The following CIP2A variants were observed in gnomAD, a reference collection of about 807,000 sequenced individuals.
CIP2A encodes cellular inhibitor of PP2A.
CIP2A carries 103 observed loss-of-function variants against 110.9 expected under a neutral mutation model. That is an observed-to-expected ratio of 0.93 (90% CI 0.79 to 1.09). The LOEUF (loss-of-function observed/expected upper bound fraction) is 1.09. Ranked by LOEUF, CIP2A falls within the 50% of genes least tolerant of loss-of-function variation. The pLI is 0.00. For synonymous variants in CIP2A, 381 were observed against 361.6 expected (o/e 1.05, Z -0.61); for missense variants, 1,088 against 1,038.4 (o/e 1.05, Z -0.66).
chr3:108,575,602 A>ACG (rs1938578764), intron 8 of CIP2A, among the ~76,000 whole-genome samples: 4 of 144,136 alleles, frequency 2.8e-5, no homozygotes, highest in South Asian at 4.2e-4. Context: ...ATACGTGTAT[A>ACG]TATACTCATA....
intron 16 of CIP2A, 39 bp from the exon 17 acceptor site, chr3:108,557,453 C>A: frequency 6.8e-7 from 1 of 1,460,434 alleles, no homozygotes; most frequent in Non-Finnish European, 9.3e-7. Context: ...CCACTATCAT[C>A]TATATCATAT....
chr3:108,553,095 A>G (rs1937630899), intron 19 of CIP2A, among the ~76,000 whole-genome samples: 1 of 150,392 alleles, frequency 6.6e-6, no homozygotes, highest in African/African-American at 2.5e-5. Flanking sequence ...AAATTAAATT[A>G]AATGGTCAAT....
intron 16 of CIP2A, among the ~76,000 whole-genome samples, chr3:108,559,141 A>T (rs1244432997): frequency 1.3e-5 from 2 of 152,142 alleles, no homozygotes; most frequent in South Asian, 2.1e-4. Flanking sequence ...AAAAGGATCC[A>T]GCCTATAACA....
chr3:108,563,239 T>A lies in CIP2A; in HGVS notation c.1521A>T (p.Pro507=), dbSNP rs1344846069. 1 of 1,599,866 alleles carries A rather than the reference T, an allele frequency of 6.3e-7. No homozygotes were observed. Among genetic ancestry groups the A allele is most frequent in the East Asian group, 2.2e-5 (1 of 44,736 alleles). The change falls in exon 13 of 21, where the codon CCA becomes CCT. Residue 507 remains proline (P), a synonymous_variant. Transcript: ENST00000295746. The part of the protein sequence containing the change: ...EVSFYKILQD[P]RLITPLAFAL... The stretch of plus-strand genomic sequence containing the variant: ...CAAAAGCCAAAGGAGTAATCAAACG[T>A]GGGTCCTAAATAAATCAGAAACCAA...
chr3:108,568,289 G>T lies in CIP2A; in HGVS notation c.1139C>A (p.Ser380Tyr), dbSNP rs1553694493. ...FEDVIDAANC[S>Y]SADRFVTLLL... ...AAGGGTCACAAAACGATCAGCCGAG[G>T]AACAGTTAGCAGCATCTATGACATC... Residue 380 changes from serine (S) to tyrosine (Y), a missense_variant, in exon 10 of 21, where the codon TCC (serine) becomes TAC (tyrosine). Physicochemically the swap from Ser to Tyr is moderately radical, Grantham distance 144 (BLOSUM62 -2). Transcript: ENST00000295746. The T allele has an allele frequency of 1.9e-6, 3 of 1,611,922 alleles. No individual in the cohort carries two copies. The highest frequency in any genetic ancestry group is 2.5e-6 in the Non-Finnish European group (3 of 1,178,614).
chr3:108,581,597 G>T, intron 4 of CIP2A, 86 bp from the exon 5 acceptor site: 1 of 753,818 alleles, frequency 1.3e-6, no homozygotes, highest in Non-Finnish European at 2.2e-6. Context: ...AAATGATATA[G>T]TTAAGTTTAT....
rs369450906 is a variant in CIP2A at position 108,557,270 on chromosome 3, C to T, written c.2158G>A (p.Val720Met). ...GTCAGTATTTCATGTTCTTCAGCCA[C>T]AGACTCTAACTTCCTATTATGTTGA... ...LFQHNRKLES[V>M]AEEHEILTKS... Residue 720 changes from valine (V) to methionine (M), a missense_variant, in exon 17 of 21, where the codon GTG (valine) becomes ATG (methionine). Physicochemically the swap from Val to Met is conservative, Grantham distance 21. Coordinates refer to ENST00000295746, the MANE Select transcript of CIP2A (RefSeq NM_020890.3). 3 of 1,608,266 alleles carry T rather than the reference C, an allele frequency of 1.9e-6. No individual in the cohort carries two copies. The highest frequency in any genetic ancestry group is 2.6e-6 in the Non-Finnish European group (3 of 1,176,292).
chr3:108,578,225 G>C (rs894321344), intron 7 of CIP2A, among the ~76,000 whole-genome samples: 1 of 152,168 alleles, frequency 6.6e-6, no homozygotes, highest in Non-Finnish European at 1.5e-5. Flanking sequence ...TCTTCCAGAC[G>C]AGGTTTATTC....
At chr3:108,562,430 A>AG (rs1938036964) in intron 13 of CIP2A, among the ~76,000 whole-genome samples, 1 of 152,140 alleles carries the variant, frequency 6.6e-6, no homozygotes, top group Non-Finnish European at 1.5e-5. Context: ...CCCGGTATAC[A>AG]GGGAATATCT....
chr3:108,551,797 G>C (rs977643897), intron 20 of CIP2A, among the ~76,000 whole-genome samples: 1 of 152,046 alleles, frequency 6.6e-6, no homozygotes. Flanking sequence ...TGGTAATATA[G>C]AAAGAACCCC....
At chr3:108,557,440 T>C in intron 16 of CIP2A, 26 bp from the exon 17 acceptor site, 3 of 1,532,140 alleles carry the variant, frequency 2.0e-6, no homozygotes, top group African/African-American at 1.4e-5. Context: ...AAGATAGACT[T>C]TACCACTATC....
chr3:108,566,373 ATGTT>A, intron 11 of CIP2A, 120 bp downstream of exon 11: 1 of 676,400 alleles, frequency 1.5e-6, no homozygotes. Flanking sequence ...TTATGAAAAT[ATGTT>A]TGTTAATCTG....
chr3:108,569,343 G>A, intron 9 of CIP2A, 46 bp downstream of exon 9: 1 of 1,358,138 alleles, frequency 7.4e-7, no homozygotes, highest in Middle Eastern at 1.8e-4. Flanking sequence ...ATTGTTAACT[G>A]AGAGTCACAA....
rs2083893958 is a variant in CIP2A, at chr3:108,551,271, C to T, written c.2596G>A (p.Glu866Lys). 1.2e-6 allele frequency: 2 copies of T among 1,612,458 alleles called. No individual in the cohort carries two copies. The highest frequency in any genetic ancestry group is 1.7e-6 in the Non-Finnish European group (2 of 1,179,008). ...TGAAGTTTCACCAAGGACTCTTTCTCTTCCAAACGACCTTCTAATTGTGCC... is the reference window on the plus strand; with the variant it reads ...TGAAGTTTCACCAAGGACTCTTTCTTTTCCAAACGACCTTCTAATTGTGCC... ...QKAQLEGRLE[E>K]KESLVKLQQE... is the part of the protein sequence containing the mutation. The change falls in exon 21 of 21, where the codon GAG becomes AAG. Residue 866 changes from glutamate (E) to lysine (K), a missense_variant. Physicochemically the swap from Glu to Lys is moderately conservative, Grantham distance 56. Coordinates refer to ENST00000295746, the MANE Select transcript of CIP2A (RefSeq NM_020890.3).
intron 12 of CIP2A, 130 bp downstream of exon 12, chr3:108,565,225 C>T: frequency 1.8e-6 from 1 of 554,964 alleles, no homozygotes; most frequent in South Asian, 2.7e-5. Flanking sequence ...AAGACAACAA[C>T]TTTAAACTTT....
intron 10 of CIP2A, 23 bp downstream of exon 10, chr3:108,568,132 A>C (rs778814258): frequency 6.3e-7 from 1 of 1,590,832 alleles, no homozygotes; most frequent in South Asian, 1.1e-5. Flanking sequence ...TACAGTTTTC[A>C]CGTTAATGAC....
At position 108,576,207 on chromosome 3, in the gene CIP2A, T is replaced by C. The variant is rs535719701; in HGVS notation, c.894+64A>G. 2.8e-5 allele frequency: 29 copies of C among 1,031,756 alleles called. No individual in the cohort carries two copies. The East Asian group carries it at 6.5e-4, about 23-fold the overall frequency. The allele number at this position is 1,031,756 out of a possible 1,614,324, so 63.9% of individuals were successfully genotyped here. ...TTGGATTTTTCTGTATTTTGCAGTT[T>C]TTTAAAAGTTTCGGCATTTTGCAGT... On this transcript the variant is annotated intron_variant, in intron 8 of 20. Coordinates refer to ENST00000295746, the MANE Select transcript of CIP2A (RefSeq NM_020890.3).
chr3:108,562,524 G>A (rs1221816922), intron 13 of CIP2A, among the ~76,000 whole-genome samples: 1 of 152,000 alleles, frequency 6.6e-6, no homozygotes, highest in Non-Finnish European at 1.5e-5. Context: ...TTTTAAACCA[G>A]ACTCCTAATA....
chr3:108,552,138 T>G, intron 20 of CIP2A, 96 bp downstream of exon 20: 2 of 921,860 alleles, frequency 2.2e-6, no homozygotes, highest in Non-Finnish European at 1.6e-6. Flanking sequence ...TCTAAAAAAT[T>G]TGCTGAAGAA....
Sources: allele counts gnomAD v4.1 joint callset (sites outside exome capture counted in the v4.1 genomes callset), GRCh38; gene constraint gnomAD v4.1.1; transcripts MANE v1.5; gene names NCBI Gene and HGNC (gene_info 2026-07-23, HGNC 2026-07-21).